TENM1: variants seen among roughly 807,000 people sequenced by gnomAD.
TENM1 encodes the protein teneurin transmembrane protein 1, also known as teneurin-1.
A neutral mutation model predicts 174.8 loss-of-function variants in TENM1; 35 were observed. The ratio of observed to expected loss-of-function variants is 0.20; its 90% confidence interval spans 0.15 to 0.27. TENM1 has a LOEUF of 0.27. TENM1 is among the 10% of genes least tolerant of loss of function. The pLI, the probability that TENM1 is intolerant of heterozygous loss-of-function variation, is 1.00. For synonymous variants in TENM1, 781 were observed against 798.7 expected (o/e 0.98, Z 0.37); for missense variants, 1,633 against 2,130.1 (o/e 0.77, Z 4.59).
the TENM1 span, among the ~76,000 whole-genome samples, chrX:124,989,996 A>G: frequency 8.9e-6 from 1 of 111,761 alleles, no homozygotes; most frequent in Non-Finnish European, 1.9e-5. Context: ...CTAAAAATAT[A>G]TCACTTTTGT....
chrX:124,828,000 C>T (rs1414685156), intron 3 of TENM1, among the ~76,000 whole-genome samples: 1 of 111,151 alleles, frequency 9.0e-6, no homozygotes, highest in African/African-American at 3.3e-5. Context: ...TGAAGGGCCC[C>T]AGTGCTACAA....
intron 23 of TENM1, among the ~76,000 whole-genome samples, chrX:124,436,116 G>A (rs1169436240): frequency 9.0e-6 from 1 of 111,416 alleles, no homozygotes; most frequent in African/African-American, 3.3e-5. Flanking sequence ...GACTCCAGCA[G>A]CAACAATGAC....
At chrX:124,552,108 A>C (rs1361186502) in intron 14 of TENM1, among the ~76,000 whole-genome samples, 1 of 112,113 alleles carries the variant, frequency 8.9e-6, no homozygotes, top group Non-Finnish European at 1.9e-5. Flanking sequence ...ATTTGTCACC[A>C]TTTGGACAGG....
intron 3 of TENM1, among the ~76,000 whole-genome samples, chrX:124,854,850 A>C (rs1025839972): frequency 2.4e-4 from 27 of 112,187 alleles, no homozygotes; most frequent in Non-Finnish European, 4.5e-4. Context: ...GGCAAGTAGG[A>C]AAAACTTATT....
the TENM1 span, among the ~76,000 whole-genome samples, chrX:124,989,944 T>C: frequency 1.8e-5 from 2 of 111,961 alleles, no homozygotes; most frequent in Non-Finnish European, 3.8e-5. Flanking sequence ...CTGTGATAAA[T>C]GGCATCATCT....
Position 124,754,022 on chromosome X carries a change from T to TCC in TENM1, c.536-16827_536-16826dup, listed in dbSNP as rs1372632594. ...GCCTCATAAATGAGTTAGGGAGGATTCCCTCTTTTTCTATTGATTGGAATA... is the reference window on the plus strand; with the variant it reads ...GCCTCATAAATGAGTTAGGGAGGATTCCCCCTCTTTTTCTATTGATTGGAATA... On this transcript the variant is annotated intron_variant, in intron 3 of 31. Transcript: ENST00000422452. Among the ~76,000 whole-genome samples, 3 of 111,894 alleles carry TCC rather than the reference T, an allele frequency of 2.7e-5. No individual in the cohort carries two copies. The East Asian group carries it at 8.4e-4, about 31-fold the overall frequency.
intron 3 of TENM1, among the ~76,000 whole-genome samples, chrX:124,885,663 G>C (rs972905827): frequency 9.1e-6 from 1 of 110,434 alleles, no homozygotes; most frequent in Non-Finnish European, 1.9e-5. Flanking sequence ...TTATTTTGGA[G>C]AGAACCTTAA....
chrX:125,120,479 C>G, the TENM1 span, among the ~76,000 whole-genome samples: 3 of 110,201 alleles, frequency 2.7e-5, no homozygotes, highest in African/African-American at 6.6e-5. Context: ...ACCTGCCCCC[C>G]ACACGGCCCC....
intron 3 of TENM1, among the ~76,000 whole-genome samples, chrX:124,749,762 T>A (rs772805443): frequency 1.8e-5 from 2 of 112,205 alleles, no homozygotes; most frequent in African/African-American, 6.5e-5. Context: ...ACATCCACAT[T>A]ATAAATGAAA....
intron 11 of TENM1, among the ~76,000 whole-genome samples, chrX:124,600,939 G>T (rs2050012545): frequency 8.9e-6 from 1 of 111,921 alleles, no homozygotes; most frequent in South Asian, 3.7e-4. Flanking sequence ...CATTAGTAAT[G>T]TATGAATGTG....
chrX:125,180,022 C>T, the TENM1 span, among the ~76,000 whole-genome samples: 3 of 98,218 alleles, frequency 3.1e-5, no homozygotes, highest in Non-Finnish European at 4.1e-5. Context: ...TGATTACTGA[C>T]GTCTTTCTCT....
chrX:124,584,402 T>C (rs1203888020), intron 11 of TENM1, among the ~76,000 whole-genome samples: 1 of 110,831 alleles, frequency 9.0e-6, no homozygotes, highest in East Asian at 2.8e-4. Flanking sequence ...GAGAAAAGAA[T>C]TTTTAACCCA....
At chrX:125,025,281 G>A in the TENM1 span, among the ~76,000 whole-genome samples, 18 of 110,300 alleles carry the variant, frequency 1.6e-4, no homozygotes, top group Admixed American at 2.0e-4. Flanking sequence ...GTGGGGGTGC[G>A]GTTTGGCTGG....
At chrX:124,853,317 A>G (rs1201093949) in intron 3 of TENM1, among the ~76,000 whole-genome samples, 1 of 111,396 alleles carries the variant, frequency 9.0e-6, no homozygotes, top group African/African-American at 3.3e-5. Context: ...GGCCGGAAAA[A>G]AATTAGTAGC....
chrX:124,578,309 CT>C, intron 11 of TENM1, among the ~76,000 whole-genome samples: 1 of 111,744 alleles, frequency 8.9e-6, no homozygotes, highest in South Asian at 3.8e-4. Context: ...TTTCATTTTC[CT>C]TTTGCCTTAT....
intron 23 of TENM1, among the ~76,000 whole-genome samples, chrX:124,432,198 C>A (rs979741776): frequency 4.5e-5 from 5 of 111,499 alleles, no homozygotes; most frequent in African/African-American, 1.6e-4. Flanking sequence ...TAGGTGTCAT[C>A]ATGTTTTCTA....
intron 18 of TENM1, among the ~76,000 whole-genome samples, chrX:124,510,775 T>TACAAACACACACACACACAC (rs1556652505): frequency 2.4e-4 from 25 of 103,543 alleles, no homozygotes; most frequent in African/African-American, 8.9e-4. Context: ...CATGGGGAGA[T>TACAAACACACACACACACAC]ACACACACAC....
chrX:124,769,392 G>A lies in TENM1; in HGVS notation c.536-32195C>T, dbSNP rs780199727. 1.6e-3 allele frequency among the ~76,000 whole-genome samples: 173 copies of A among 111,479 alleles called. 2 individuals carry two copies. The Middle Eastern group carries it at 0.028, about 18-fold the overall frequency. ...TTGTTCATCAAGCATCAACTCCCCC[G>A]TTAACTGCAAAAATTTCAGGCCAAC... On this transcript the variant is annotated intron_variant, in intron 3 of 31. Transcript: ENST00000422452.
At chrX:124,951,664 ATATATATAT>A (rs767663741) in intron 1 of TENM1, among the ~76,000 whole-genome samples, 2,418 of 65,099 alleles carry the variant, frequency 0.037, 54 homozygotes, top group African/African-American at 0.066. Context: ...ATATATATAT[ATATATATAT>A]AACAATCAAT....
Sources: gnomAD v4.1 joint callset for allele counts (sites outside exome capture counted in the v4.1 genomes callset) on GRCh38, gnomAD v4.1.1 for gene constraint, MANE v1.5 for transcripts, NCBI Gene and HGNC (gene_info 2026-07-23, HGNC 2026-07-21) for gene names.